The following LOXL4 variants were observed in gnomAD, a reference collection of about 807,000 sequenced individuals.
LOXL4 encodes lysyl oxidase homolog 4.
Under a neutral mutation model 89.1 loss-of-function variants are expected in LOXL4, and 72 were observed. That is an observed-to-expected ratio of 0.81 (90% CI 0.67 to 0.98). The LOEUF (loss-of-function observed/expected upper bound fraction) is 0.98. Ranked by LOEUF, LOXL4 falls within the 50% of genes least tolerant of loss-of-function variation. The pLI, the probability that LOXL4 is intolerant of heterozygous loss-of-function variation, is 0.00. For synonymous variants in LOXL4, 355 were observed against 392.1 expected (o/e 0.91, Z 1.12); for missense variants, 984 against 1,017.5 (o/e 0.97, Z 0.45).
intron 9 of LOXL4, chr10:98,255,998 T>C: frequency 2.5e-6 from 1 of 400,498 alleles, no homozygotes; most frequent in Non-Finnish European, 4.5e-6. Context: ...CACCCCTCTC[T>C]CTTCCAGATG....
intron 3 of LOXL4, 41 bp downstream of exon 3, chr10:98,261,994 C>T (rs757996649): frequency 6.4e-7 from 1 of 1,550,562 alleles, no homozygotes; most frequent in Non-Finnish European, 8.7e-7. Flanking sequence ...GTTCTCTGAC[C>T]CAGCCCTTGG....
At position 98,248,538 on chromosome 10, in the gene LOXL4, C is replaced by T; in HGVS notation, c.*383G>A. 1 of 212,000 alleles carries T rather than the reference C, an allele frequency of 4.7e-6. No individual in the cohort carries two copies. The highest frequency in any genetic ancestry group is 9.6e-6 in the Non-Finnish European group (1 of 104,504). The allele number at this position is 212,000 out of a possible 1,614,324, so 13.1% of individuals were successfully genotyped here. A position where few individuals can be genotyped will look rare whatever the true frequency, so the allele number is the denominator to read the frequency against. On this transcript the variant is annotated 3_prime_UTR_variant, in exon 15 of 15. Transcript: ENST00000260702. ...TATTTTGGTCCTCTGTCCTATACTC[C>T]TCCAAGACATTTGCAAAGCACCACT...
rs1033822250 is a variant in LOXL4 at position 98,262,160 on chromosome 10, G to T, written c.331C>A (p.Gln111Lys). 8 of 1,613,718 alleles carry T rather than the reference G, an allele frequency of 5.0e-6. No homozygotes were observed. Among genetic ancestry groups the T allele is most frequent in the East Asian group, 2.2e-5 (1 of 44,874 alleles). Residue 111 changes from glutamine (Q) to lysine (K), a missense_variant, in exon 3 of 15, where the codon CAG becomes AAG. Coordinates refer to ENST00000260702, the MANE Select transcript of LOXL4 (RefSeq NM_032211.7). ...ACTCCCCAGCCATTAGACCCGCACT[G>T]GTCCAAGGAGCTCTCTGTGCCCACA... ...RCVGTESSLD[Q>K]CGSNGWGVSD...
At chr10:98,259,493 G>A (rs1590882278) in intron 4 of LOXL4, 64 bp from the exon 5 acceptor site, 13 of 1,390,636 alleles carry the variant, frequency 9.3e-6, no homozygotes, top group Non-Finnish European at 1.2e-5. Context: ...CTGCCACCTG[G>A]TTCCTCATAG....
chr10:98,259,485 G>A (rs2135838727), intron 4 of LOXL4, 56 bp from the exon 5 acceptor site: 2 of 1,462,232 alleles, frequency 1.4e-6, no homozygotes, highest in South Asian at 2.3e-5. Context: ...CCCACCCCCT[G>A]CCACCTGGTT....
chr10:98,259,052 C>T lies in LOXL4; in HGVS notation c.878G>A (p.Arg293His), dbSNP rs758380997. ...GCGTTGTGGCTTTGTCTTCGGTGGG[C>T]GGAAGTGAGGCCCTGCCACACAGCT... ...VVSCVAGPHF[R>H]PPKTKPQRKG... Residue 293 changes from arginine (R) to histidine (H), a missense_variant, in exon 6 of 15, where the codon CGC becomes CAC. Coordinates refer to ENST00000260702, the MANE Select transcript of LOXL4 (RefSeq NM_032211.7). 9.4e-5 allele frequency: 148 copies of T among 1,566,510 alleles called. No individual in the cohort carries two copies. Among genetic ancestry groups the T allele is most frequent in the South Asian group, 3.9e-4 (33 of 85,712 alleles).
At chr10:98,257,031 C>T in intron 8 of LOXL4, 84 bp from the exon 9 acceptor site, 1 of 1,483,826 alleles carries the variant, frequency 6.7e-7, no homozygotes, top group Non-Finnish European at 9.1e-7. Flanking sequence ...CTGCCCAAGC[C>T]AGCTCACTGT....
At position 98,248,360 on chromosome 10, in the gene LOXL4, G is replaced by A. The variant is rs1423257677; in HGVS notation, c.*561C>T. On this transcript the variant is annotated 3_prime_UTR_variant, in exon 15 of 15. Transcript: ENST00000260702. Reference sequence around the variant, plus strand: ...CACCCATGTGTGTGGTAAGATAAAGGTAAGGACACTAAAGAACAGAGTGTG... The same window carrying A: ...CACCCATGTGTGTGGTAAGATAAAGATAAGGACACTAAAGAACAGAGTGTG... 6.5e-6 allele frequency: 1 copy of A among 153,198 alleles called. No individual in the cohort carries two copies. Among genetic ancestry groups the A allele is most frequent in the Admixed American group, 6.5e-5 (1 of 15,376 alleles). 9.5% of individuals were successfully genotyped at this position (153,198 alleles called of 1,614,324 possible).
intron 13 of LOXL4, 117 bp downstream of exon 13, chr10:98,251,449 G>A: frequency 2.9e-6 from 4 of 1,402,168 alleles, no homozygotes; most frequent in Middle Eastern, 2.4e-4. Context: ...GCTCCTTTAA[G>A]TGACAGGCCT....
intron 9 of LOXL4, chr10:98,256,501 G>C (rs1338061612): frequency 2.1e-6 from 1 of 467,800 alleles, no homozygotes; most frequent in Non-Finnish European, 3.8e-6. Context: ...CTGGCCACAG[G>C]GCTTTTGCAT....
Position 98,255,650 on chromosome 10 carries a change from C to T in LOXL4, c.1518G>A (p.Gln506=), listed in dbSNP as rs1272277205. ...AGTGCACCGGCCCGTGCCTCTGGCA[C>T]TGCTGCAGGGCCAGCTCTGTGCCTG... ...RCSGTELALQ[Q]CQRHGPVHCS... is the part of the protein sequence containing the mutation. The change falls in exon 10 of 15, where the codon CAG becomes CAA. Residue 506 remains glutamine, a synonymous_variant. Coordinates refer to ENST00000260702, the MANE Select transcript of LOXL4 (RefSeq NM_032211.7). 6.2e-7 allele frequency: 1 copy of T among 1,613,732 alleles called. No homozygotes were observed. Among genetic ancestry groups the T allele is most frequent in the Non-Finnish European group, 8.5e-7 (1 of 1,179,706 alleles).
Position 98,262,954 on chromosome 10 carries a change from G to A in LOXL4, c.66C>T (p.Ser22=), listed in dbSNP as rs147643953. Residue 22 remains serine, a synonymous_variant, in exon 2 of 15, where the codon AGC becomes AGT. Coordinates refer to ENST00000260702, the MANE Select transcript of LOXL4 (RefSeq NM_032211.7). ...TAGTGGTGCCCAGTGACTGTGGCCTGCTGGGAGGGGGCTGGCCTAGCAGCA... is the reference window on the plus strand; with the variant it reads ...TAGTGGTGCCCAGTGACTGTGGCCTACTGGGAGGGGGCTGGCCTAGCAGCA... The part of the protein sequence containing the change: ...FLLLLGQPPP[S]RPQSLGTTKL... 1 of 1,613,632 alleles carries A rather than the reference G, an allele frequency of 6.2e-7. No individual in the cohort carries two copies. The highest frequency in any genetic ancestry group is 8.5e-7 in the Non-Finnish European group (1 of 1,180,034).
At position 98,247,695 on chromosome 10, in the gene LOXL4, A is replaced by AG. The variant is rs1462319400; in HGVS notation, c.*1225dup. 6.6e-6 allele frequency: 1 copy of AG among 152,206 alleles called. No individual in the cohort carries two copies. The highest frequency in any genetic ancestry group is 1.5e-5 in the Non-Finnish European group (1 of 68,062). The allele number at this position is 152,206 out of a possible 1,614,324, so 9.4% of individuals were successfully genotyped here. ...TAATCACAGCTGGTCTGGTCTTTGT[A>AG]GCAGTCCATAATGAGCAACTTTTAT... On this transcript the variant is annotated 3_prime_UTR_variant, in exon 15 of 15. Transcript: ENST00000260702.
At chr10:98,262,303 C>G in intron 2 of LOXL4, 90 bp from the exon 3 acceptor site, 1 of 1,387,374 alleles carries the variant, frequency 7.2e-7, no homozygotes, top group South Asian at 1.3e-5. Flanking sequence ...TACCAAGTCA[C>G]CTCTTCCAAA....
At chr10:98,252,785 CG>C (rs1339287872) in intron 11 of LOXL4, among the ~76,000 whole-genome samples, 1 of 152,160 alleles carries the variant, frequency 6.6e-6, no homozygotes, top group African/African-American at 2.4e-5. Context: ...GGCGGGGCAC[CG>C]GGTCTGTGAG....
At chr10:98,255,153 C>T (rs560979628) in intron 10 of LOXL4, among the ~76,000 whole-genome samples, 1 of 152,316 alleles carries the variant, frequency 6.6e-6, no homozygotes, top group East Asian at 1.9e-4. Flanking sequence ...CCCGGGTGTG[C>T]TCATATTTGT....
intron 2 of LOXL4, among the ~76,000 whole-genome samples, chr10:98,262,482 A>G (rs995493418): frequency 3.3e-5 from 5 of 152,118 alleles, no homozygotes; most frequent in African/African-American, 1.2e-4. Flanking sequence ...TTTTCATTCA[A>G]CATTCTCTAA....
intron 9 of LOXL4, chr10:98,256,090 C>G (rs963165007): frequency 1.9e-5 from 3 of 154,276 alleles, no homozygotes. Context: ...CGGCCCAGAT[C>G]GTCAGTTGTG....
rs148906358 is a variant in LOXL4 at position 98,265,371 on chromosome 10, C to CTATTAT, written c.-32-2326_-32-2321dup. Among the ~76,000 whole-genome samples, 790 of 118,776 alleles carry CTATTAT rather than the reference C, an allele frequency of 6.7e-3. 93 individuals are homozygous for CTATTAT. Among genetic ancestry groups the CTATTAT allele is most frequent in the Non-Finnish European group, 8.7e-3 (472 of 54,318 alleles). The allele number at this position is 118,776 out of a possible 152,430, so 77.9% of individuals were successfully genotyped here. ...AGAGCAAGCCTTCAGTAACAATGAA[C>CTATTAT]TATTATTATTATTATTATTATTATT... On this transcript the variant is annotated intron_variant, in intron 1 of 14. Transcript: ENST00000260702.
Sources: gnomAD v4.1 joint callset for allele counts (sites outside exome capture counted in the v4.1 genomes callset) on GRCh38, gnomAD v4.1.1 for gene constraint, MANE v1.5 for transcripts, NCBI Gene and HGNC (gene_info 2026-07-23, HGNC 2026-07-21) for gene names.